MYH16: variants seen among roughly 807,000 people sequenced by gnomAD.
The protein encoded by MYH16 is putative uncharacterized protein MYH16.
chr7:99,309,239 C>T (rs756228589), downstream of MYH16, among the ~76,000 whole-genome samples: 2 of 152,164 alleles, frequency 1.3e-5, no homozygotes, highest in Non-Finnish European at 2.9e-5. Flanking sequence ...CACCGACCTC[C>T]GTGGCTTCTG....
chr7:99,309,425 C>T (rs375409805), downstream of MYH16, among the ~76,000 whole-genome samples: 22 of 152,250 alleles, frequency 1.4e-4, no homozygotes, highest in East Asian at 2.1e-3. Context: ...TTTATCTGAC[C>T]GTTTGCTTAG....
intron 20 of MYH16, among the ~76,000 whole-genome samples, chr7:99,274,511 A>C (rs1792084674): frequency 6.6e-6 from 1 of 152,186 alleles, no homozygotes; most frequent in South Asian, 2.1e-4. Context: ...GAGGAATAGT[A>C]AGTTCTGCTT....
Position 99,294,159 on chromosome 7 carries a change from G to A in MYH16, n.4282+9G>A, listed in dbSNP as rs1792438241. ...CCATCGACTTGGAGAAGGTCAGAGA[G>A]TCAAATGCTCAAAGCTGCCTATTTA... is the stretch of plus-strand genomic sequence containing the variant. On this transcript the variant is annotated intron_variant and non_coding_transcript_variant, in intron 33 of 41. Transcript: ENST00000439784. The A allele has an allele frequency of 2.2e-6, 1 of 454,142 alleles. No individual in the cohort carries two copies. Among genetic ancestry groups the A allele is most frequent in the Non-Finnish European group, 4.4e-6 (1 of 226,072 alleles). 28.1% of individuals were successfully genotyped at this position (454,142 alleles called of 1,614,324 possible).
At chr7:99,282,800 A>C (rs1240827043) in intron 23 of MYH16, among the ~76,000 whole-genome samples, 2 of 151,356 alleles carry the variant, frequency 1.3e-5, no homozygotes, top group African/African-American at 4.9e-5. Context: ...ACTGTACTCC[A>C]GTCTGAGTGA....
intron 21 of MYH16, among the ~76,000 whole-genome samples, chr7:99,279,060 G>T (rs117268789): frequency 0.026 from 4,008 of 152,036 alleles, 70 homozygotes; most frequent in South Asian, 0.059. Flanking sequence ...GGGTGTGGTG[G>T]CACATCTGTA....
intron 20 of MYH16, among the ~76,000 whole-genome samples, chr7:99,274,605 C>T (rs991529530): frequency 2.0e-5 from 3 of 151,240 alleles, no homozygotes; most frequent in Non-Finnish European, 4.4e-5. Context: ...AAAGGCCAGG[C>T]GTTGCCGGTG....
chr7:99,292,959 CTAA>C lies in MYH16; in HGVS notation n.4149+452_4149+454del, dbSNP rs1322361825. Among the ~76,000 whole-genome samples, 3 of 57,554 alleles carry C rather than the reference CTAA, an allele frequency of 5.2e-5. No homozygotes were observed. In the African/African-American group the frequency reaches 5.8e-4, roughly 11 times the overall value. The allele number at this position is 57,554 out of a possible 152,430, so 37.8% of individuals were successfully genotyped here. A position where few individuals can be genotyped will look rare whatever the true frequency, so the allele number is the denominator to read the frequency against. Reference sequence around the variant, plus strand: ...TGGATAACAGAGCAGGATCCTGTCTCTAAAAAAAAAAAAAAAACTACATAAGTG... The same window carrying C: ...TGGATAACAGAGCAGGATCCTGTCTCAAAAAAAAAAAAAACTACATAAGTG... On this transcript the variant is annotated intron_variant and non_coding_transcript_variant, in intron 32 of 41. Coordinates refer to ENST00000439784, the Ensembl canonical transcript of MYH16.
At chr7:99,252,843 ACAG>A (rs1255548823) in exon 7 of MYH16, 1 of 156,586 alleles carries the variant, frequency 6.4e-6, no homozygotes, top group Non-Finnish European at 1.4e-5. Flanking sequence ...CTTTGGAACC[ACAG>A]GGAAACTGGC....
intron 23 of MYH16, among the ~76,000 whole-genome samples, chr7:99,283,250 C>T (rs1792226792): frequency 1.3e-5 from 2 of 152,120 alleles, no homozygotes; most frequent in South Asian, 2.1e-4. Context: ...ACGTGTGCCA[C>T]CACACCTGGC....
intron 21 of MYH16, 21 bp downstream of exon 3, chr7:99,277,733 G>A: frequency 2.2e-6 from 1 of 450,784 alleles, no homozygotes; most frequent in Non-Finnish European, 4.5e-6. Context: ...TCCCCAGGGA[G>A]AAGGGTGGGA....
At chr7:99,249,327 G>A (rs1444116640) in intron 4 of MYH16, among the ~76,000 whole-genome samples, 1 of 151,748 alleles carries the variant, frequency 6.6e-6, no homozygotes, top group African/African-American at 2.4e-5. Context: ...CAGGAGGATC[G>A]CTGGAACCCA....
exon 30 of MYH16, chr7:99,289,298 G>A (rs1301853307): frequency 2.3e-6 from 1 of 431,194 alleles, no homozygotes; most frequent in Non-Finnish European, 4.7e-6. Flanking sequence ...TGAACGCCGA[G>A]GCCCACGTCA....
chr7:99,240,631 G>T (rs1335747223), intron 1 of MYH16, among the ~76,000 whole-genome samples: 1 of 152,026 alleles, frequency 6.6e-6, no homozygotes, highest in Non-Finnish European at 1.5e-5. Flanking sequence ...CAGGCAGATC[G>T]CTTGAGGCTA....
Position 99,257,791 on chromosome 7 carries a change from T to C in MYH16, n.1136-331T>C, listed in dbSNP as rs146378066. On this transcript the variant is annotated intron_variant and non_coding_transcript_variant, in intron 10 of 41. Coordinates refer to ENST00000439784, the Ensembl canonical transcript of MYH16. ...ACCTTCTCAGTAGCTGGGACTACAG[T>C]GCACGCCACCACGCCTGGCTAATTT... Among the ~76,000 whole-genome samples the C allele has an allele frequency of 2.6e-5, 4 of 152,200 alleles. No homozygotes were observed. The East Asian group carries it at 7.7e-4, about 29-fold the overall frequency.
At chr7:99,260,060 C>A in intron 11 of MYH16, 1 of 906,170 alleles carries the variant, frequency 1.1e-6, no homozygotes, top group Non-Finnish European at 1.7e-6. Flanking sequence ...CACTAGTGGG[C>A]CCTCTGCAAA....
chr7:99,240,177 C>T (rs1319127409), intron 1 of MYH16, among the ~76,000 whole-genome samples: 1 of 151,998 alleles, frequency 6.6e-6, no homozygotes, highest in African/African-American at 2.4e-5. Context: ...GATTTATTGA[C>T]CCTATTTTGC....
intron 1 of MYH16, chr7:99,243,213 G>A (rs1302607062): frequency 6.5e-6 from 1 of 152,782 alleles, no homozygotes; most frequent in African/African-American, 2.4e-5. Context: ...GGTATGTGGT[G>A]ACCTGGGCCA....
At chr7:99,285,704 C>T (rs1584352955) in intron 27 of MYH16, among the ~76,000 whole-genome samples, 1 of 152,204 alleles carries the variant, frequency 6.6e-6, no homozygotes, top group South Asian at 2.1e-4. Context: ...GGAAGAAACA[C>T]TTGACCTCAA....
At chr7:99,304,099 T>C (rs1045465268) in intron 39 of MYH16, among the ~76,000 whole-genome samples, 3 of 152,150 alleles carry the variant, frequency 2.0e-5, no homozygotes, top group Non-Finnish European at 2.9e-5. Flanking sequence ...TTCAGGAACA[T>C]TGCTGGTCTT....
Sources: gnomAD v4.1 joint callset for allele counts (sites outside exome capture counted in the v4.1 genomes callset) on GRCh38, gnomAD v4.1.1 for gene constraint, MANE v1.5 for transcripts, NCBI Gene and HGNC (gene_info 2026-07-23, HGNC 2026-07-21) for gene names.